The following BRI3 variants were observed in gnomAD, a reference collection of about 807,000 sequenced individuals.
The protein encoded by BRI3 is brain protein I3, also known as membrane protein BRI3.
BRI3 carries 6 observed loss-of-function variants against 12.8 expected under a neutral mutation model. The observed-to-expected ratio is 0.47, with a 90% CI of 0.26 to 0.93. BRI3 has a LOEUF of 0.93. Ranked by LOEUF, BRI3 falls within the 40% of genes least tolerant of loss-of-function variation. The probability of loss-of-function intolerance (pLI) is 0.15; values close to 1 mark genes in which losing one functional copy is unlikely to be tolerated. For synonymous variants in BRI3, 91 were observed against 76.1 expected (o/e 1.20, Z -1.02); for missense variants, 134 against 171.1 (o/e 0.78, Z 1.21).
At position 98,291,520 on chromosome 7, in the gene BRI3, C is replaced by G. The variant is rs1799955147; in HGVS notation, c.*277C>G. ...ATGTTTTCAATAAATGAGATTCATA[C>G]CATTGTTGACCTGGTGCTGCTTACT... is the stretch of plus-strand genomic sequence containing the variant. On this transcript the variant is annotated 3_prime_UTR_variant, in exon 3 of 3. Coordinates refer to ENST00000297290, the MANE Select transcript of BRI3 (RefSeq NM_015379.5). 8.2e-7 allele frequency: 1 copy of G among 1,217,718 alleles called. No homozygotes were observed. Among genetic ancestry groups the G allele is most frequent in the Admixed American group, 4.1e-5 (1 of 24,428 alleles). The allele number at this position is 1,217,718 out of a possible 1,614,324, so 75.4% of individuals were successfully genotyped here. A position where few individuals can be genotyped will look rare whatever the true frequency, so the allele number is the denominator to read the frequency against.
At chr7:98,292,848 C>G (rs571732895), downstream of BRI3, 4 of 1,459,546 alleles carry the variant, frequency 2.7e-6, no homozygotes, top group Non-Finnish European at 3.6e-6. Flanking sequence ...TTGGCGACTC[C>G]TAACTACCAA....
chr7:98,291,616 G>C, downstream of BRI3: 1 of 748,796 alleles, frequency 1.3e-6, no homozygotes, highest in Non-Finnish European at 1.7e-6. Context: ...CCTGACCACA[G>C]TTGTATTCAG....
chr7:98,299,409 C>T (rs1389786874), intron 1 of BRI3, among the ~76,000 whole-genome samples: 3 of 152,202 alleles, frequency 2.0e-5, no homozygotes, highest in African/African-American at 4.8e-5. Context: ...CCTCCCGCCT[C>T]GGCCTCCCAA....
At chr7:98,311,171 CAG>C (rs1194177230), downstream of BRI3, among the ~76,000 whole-genome samples, 1 of 152,132 alleles carries the variant, frequency 6.6e-6, no homozygotes, top group African/African-American at 2.4e-5. Context: ...TGAATGCCAT[CAG>C]AGTGTGTCTA....
chr7:98,314,625 AC>A (rs1801003352), downstream of BRI3, among the ~76,000 whole-genome samples: 1 of 152,146 alleles, frequency 6.6e-6, no homozygotes, highest in Non-Finnish European at 1.5e-5. Flanking sequence ...AGTTGAATAA[AC>A]CAGGAACCAA....
At chr7:98,309,678 A>AG (rs1162381929) in exon 2 of BRI3, 1 of 152,264 alleles carries the variant, frequency 6.6e-6, no homozygotes, top group Admixed American at 6.5e-5. Context: ...GCTGTGGTCC[A>AG]GGGCTCTCTC....
downstream of BRI3, chr7:98,292,413 A>AT (rs1433521068): frequency 9.0e-6 from 5 of 556,620 alleles, no homozygotes; most frequent in Admixed American, 6.3e-5. Flanking sequence ...ACCTCAGGTG[A>AT]TCCCCCTGCC....
downstream of BRI3, chr7:98,312,043 A>C: frequency 6.6e-7 from 1 of 1,524,902 alleles, no homozygotes; most frequent in Non-Finnish European, 8.8e-7. Context: ...AATTTGGCCC[A>C]GATCAAGTTA....
At chr7:98,295,108 A>G (rs1001571258), downstream of BRI3, among the ~76,000 whole-genome samples, 2 of 152,158 alleles carry the variant, frequency 1.3e-5, no homozygotes, top group African/African-American at 4.8e-5. Flanking sequence ...GAGCACGCAG[A>G]CCTCTCAAGA....
chr7:98,311,483 G>A (rs547721003), downstream of BRI3, among the ~76,000 whole-genome samples: 6 of 152,024 alleles, frequency 3.9e-5, no homozygotes, highest in African/African-American at 1.4e-4. Context: ...GGAGCCTACA[G>A]TGAGCCGAGA....
intron 2 of BRI3, among the ~76,000 whole-genome samples, chr7:98,290,245 G>T (rs1584398225): frequency 7.0e-6 from 1 of 143,228 alleles, no homozygotes; most frequent in East Asian, 2.1e-4. Context: ...CCGGACTGTG[G>T]ACTGCAGTGG....
chr7:98,290,745 C>T (rs1010065295), intron 2 of BRI3, among the ~76,000 whole-genome samples: 17 of 152,300 alleles, frequency 1.1e-4, no homozygotes, highest in Admixed American at 3.3e-4. Context: ...GTGATCCACC[C>T]GCCTCCGCCT....
At chr7:98,317,963 C>T in the BRI3 span, among the ~76,000 whole-genome samples, 3 of 151,056 alleles carry the variant, frequency 2.0e-5, no homozygotes, top group South Asian at 2.1e-4. Context: ...ACTCATTTCA[C>T]ACCATCCTTA....
downstream of BRI3, among the ~76,000 whole-genome samples, chr7:98,314,167 G>C (rs1562970073): frequency 6.6e-6 from 1 of 151,608 alleles, no homozygotes; most frequent in Non-Finnish European, 1.5e-5. Context: ...ATTTTTAGTA[G>C]AGACAGGGTT....
chr7:98,291,386 C>T lies in BRI3; in HGVS notation c.*143C>T. 6.8e-7 allele frequency: 1 copy of T among 1,474,726 alleles called. No homozygotes were observed. 91.4% of individuals were successfully genotyped at this position (1,474,726 alleles called of 1,614,324 possible). The stretch of plus-strand genomic sequence containing the variant: ...ATGTGGCACACGCCAGCTGCGGTTT[C>T]CCGGAGCGTGGAGAGGCAGTGCTGC... On this transcript the variant is annotated 3_prime_UTR_variant, in exon 3 of 3. Coordinates refer to ENST00000297290, the MANE Select transcript of BRI3 (RefSeq NM_015379.5).
chr7:98,286,629 A>G (rs1799719393), intron 2 of BRI3, among the ~76,000 whole-genome samples: 1 of 152,168 alleles, frequency 6.6e-6, no homozygotes, highest in African/African-American at 2.4e-5. Flanking sequence ...TCTGCCCTCC[A>G]GTGCTGGGGA....
At chr7:98,291,029 T>C (rs1237537824) in intron 2 of BRI3, 82 bp from the exon 3 acceptor site, 2 of 1,531,440 alleles carry the variant, frequency 1.3e-6, no homozygotes, top group African/African-American at 1.4e-5. Context: ...TGGTTGGTTA[T>C]TGAATGCAAG....
chr7:98,290,038 C>T (rs964547855), intron 2 of BRI3, among the ~76,000 whole-genome samples: 2 of 152,156 alleles, frequency 1.3e-5, no homozygotes, highest in Non-Finnish European at 2.9e-5. Flanking sequence ...CTGTAGTCTC[C>T]CATTAACCCA....
chr7:98,317,743 G>C, the BRI3 span, among the ~76,000 whole-genome samples: 37,354 of 150,036 alleles, frequency 0.25, 4,825 homozygotes, highest in East Asian at 0.46. Context: ...TGTTGGCTGG[G>C]GACGCTCACC....
Sources: allele counts gnomAD v4.1 joint callset (sites outside exome capture counted in the v4.1 genomes callset), GRCh38; gene constraint gnomAD v4.1.1; transcripts MANE v1.5; gene names NCBI Gene and HGNC (gene_info 2026-07-23, HGNC 2026-07-21).